Variants in RNF212 observed in about 807,000 individuals in gnomAD.
RNF212 encodes probable E3 SUMO-protein ligase RNF212.
RNF212 carries 33 observed loss-of-function variants against 34.7 expected under a neutral mutation model. The observed-to-expected ratio is 0.95, with a 90% confidence interval of 0.72 to 1.27. The LOEUF (loss-of-function observed/expected upper bound fraction) is 1.27, where lower values mean the gene tolerates loss of function less well. Among genes scored for constraint, RNF212 ranks in the 50% most tolerant of loss-of-function variants. The probability of loss-of-function intolerance (pLI) is 0.00; values close to 1 mark genes in which losing one functional copy is unlikely to be tolerated. For synonymous variants in RNF212, 140 were observed against 136.1 expected, an observed-to-expected ratio of 1.03 and a Z score of -0.20; for missense variants, 377 against 362.2, an observed-to-expected ratio of 1.04 and a Z score of -0.33.
At chr4:1,112,971 T>C (rs1577862281) in intron 1 of RNF212, among the ~76,000 whole-genome samples, 1 of 24,704 alleles carries the variant, frequency 4.0e-5, no homozygotes, top group East Asian at 1.3e-3. Flanking sequence ...GCTTCTCCAG[T>C]GTCCCCCTCT....
chr4:1,082,721 C>T lies in RNF212; in HGVS notation c.363-1102G>A, dbSNP rs74629913. Among the ~76,000 whole-genome samples the T allele has an allele frequency of 6.5e-3, 988 of 152,336 alleles. 13 individuals carry two copies. The highest frequency in any genetic ancestry group is 0.021 in the African/African-American group (877 of 41,574). ...CACACAGAAGCTCCCAGAGGACGGG[C>T]ACTGGGCGTGTTTGGCTTACTCCGA... On this transcript the variant is annotated intron_variant, in intron 5 of 9. Coordinates refer to ENST00000433731, the MANE Select transcript of RNF212 (RefSeq NM_001131034.4).
chr4:1,108,439 T>A (rs763136181), intron 1 of RNF212, 35 bp from the exon 2 acceptor site: 2 of 1,113,584 alleles, frequency 1.8e-6, no homozygotes, highest in Admixed American at 5.8e-5. Flanking sequence ...TATATTAGAC[T>A]GACTACTACT....
chr4:1,073,506 AG>A, intron 9 of RNF212, 92 bp downstream of exon 9: 1 of 980,490 alleles, frequency 1.0e-6, no homozygotes, highest in Non-Finnish European at 1.6e-6. Flanking sequence ...CCCCTTGGGT[AG>A]GTTCTGACAG....
chr4:1,099,660 AG>A (rs1205846598), intron 2 of RNF212: 1 of 434,382 alleles, frequency 2.3e-6, no homozygotes. Flanking sequence ...AATTTTTAAA[AG>A]GGGGGTGTGT....
intron 3 of RNF212, among the ~76,000 whole-genome samples, chr4:1,060,452 C>A (rs1164163031): frequency 6.6e-6 from 1 of 152,188 alleles, no homozygotes; most frequent in Non-Finnish European, 1.5e-5. Flanking sequence ...AGAGCTAGGC[C>A]AGCTCTCGAG....
chr4:1,089,894 G>A (rs1232571490), intron 4 of RNF212, among the ~76,000 whole-genome samples: 1 of 152,198 alleles, frequency 6.6e-6, no homozygotes, highest in Non-Finnish European at 1.5e-5. Context: ...GCGGAACTGT[G>A]AGTCCATTCA....
Position 1,090,796 on chromosome 4 carries a change from A to G in RNF212, c.289T>C (p.Phe97Leu), listed in dbSNP as rs1369419974. The change falls in exon 4 of 10, where the codon TTC becomes CTC. Residue 97 changes from phenylalanine (F) to leucine (L), a missense_variant. Phe to Leu is a conservative substitution (Grantham distance 22). Coordinates refer to ENST00000433731, the MANE Select transcript of RNF212 (RefSeq NM_001131034.4). ...QEKHRKRLLA[F>L]YREKISRLEE... ...ATTCCACTTACCTTTTCTCTATAGA[A>G]GGCTAACAATCTCTTCCTGTGTTTT... The G allele has an allele frequency of 6.3e-7, 1 of 1,584,314 alleles. No individual in the cohort carries two copies. The highest frequency in any genetic ancestry group is 1.1e-5 in the South Asian group (1 of 90,130).
chr4:1,069,563 C>T (rs919594549), downstream of RNF212, among the ~76,000 whole-genome samples: 2 of 152,134 alleles, frequency 1.3e-5, no homozygotes, highest in African/African-American at 4.8e-5. Context: ...AGGTGAACAT[C>T]CTCCTGGAGG....
Position 1,113,535 on chromosome 4 carries a change from C to T in RNF212, c.-71G>A. On this transcript the variant is annotated 5_prime_UTR_variant, in exon 1 of 10. Transcript: ENST00000433731. Reference sequence around the variant, plus strand: ...CACGCAAGGTTGGGACCAGCCTCCCCGCGCAGGGCCCGAAGGCGGGCAGCT... The same window carrying T: ...CACGCAAGGTTGGGACCAGCCTCCCTGCGCAGGGCCCGAAGGCGGGCAGCT... 2 of 1,293,996 alleles carry T rather than the reference C, an allele frequency of 1.5e-6. No individual in the cohort carries two copies. Among genetic ancestry groups the T allele is most frequent in the Non-Finnish European group, 2.2e-6 (2 of 926,036 alleles). 80.2% of individuals were successfully genotyped at this position (1,293,996 alleles called of 1,614,324 possible).
chr4:1,093,416 A>T, intron 3 of RNF212: 1 of 1,423,450 alleles, frequency 7.0e-7, no homozygotes, highest in Non-Finnish European at 9.2e-7. Flanking sequence ...ATTAGAGCAT[A>T]AATGTTACAA....
At chr4:1,060,245 C>T (rs527270868) in intron 3 of RNF212, among the ~76,000 whole-genome samples, 1 of 152,272 alleles carries the variant, frequency 6.6e-6, no homozygotes, top group Non-Finnish European at 1.5e-5. Context: ...CTCAAGAGAG[C>T]CAAGTGTGGG....
chr4:1,101,187 C>G (rs1577799787), intron 2 of RNF212: 1 of 235,226 alleles, frequency 4.3e-6, no homozygotes, highest in African/African-American at 2.3e-5. Context: ...ACGGGCCTAA[C>G]GACTGGCACT....
At chr4:1,070,447 G>A (rs1718389874), downstream of RNF212, among the ~76,000 whole-genome samples, 1 of 143,114 alleles carries the variant, frequency 7.0e-6, no homozygotes, top group Non-Finnish European at 1.5e-5. Flanking sequence ...CCTGGCCTGA[G>A]TTACGGGTGG....
chr4:1,112,743 C>A (rs866431361), intron 1 of RNF212, among the ~76,000 whole-genome samples: 20 of 135,058 alleles, frequency 1.5e-4, no homozygotes, highest in African/African-American at 5.3e-4. Flanking sequence ...ACGGCCCCTT[C>A]CTGCCTGCGG....
intron 4 of RNF212, chr4:1,057,086 G>T: frequency 1.5e-6 from 1 of 672,906 alleles, no homozygotes; most frequent in Non-Finnish European, 1.8e-6. Flanking sequence ...GCCGTTTTGT[G>T]GTTTTAAAGG....
At chr4:1,059,211 C>A (rs151172066) in intron 3 of RNF212, among the ~76,000 whole-genome samples, 1 of 152,204 alleles carries the variant, frequency 6.6e-6, no homozygotes, top group Admixed American at 6.5e-5. Flanking sequence ...TCCGTGCCCC[C>A]GACAGGGGTC....
At chr4:1,069,798 T>G (rs973847602), downstream of RNF212, among the ~76,000 whole-genome samples, 1 of 152,208 alleles carries the variant, frequency 6.6e-6, no homozygotes, top group Non-Finnish European at 1.5e-5. Flanking sequence ...TCGGAACTGT[T>G]GAGGACAAGA....
At chr4:1,077,659 T>C (rs896262373) in intron 8 of RNF212, among the ~76,000 whole-genome samples, 2 of 152,220 alleles carry the variant, frequency 1.3e-5, no homozygotes, top group East Asian at 3.8e-4. Flanking sequence ...TGTGAGTTCA[T>C]CCGTGAAACA....
chr4:1,090,794 G>C lies in RNF212; in HGVS notation c.291C>G (p.Phe97Leu). The C allele has an allele frequency of 1.3e-6, 2 of 1,579,910 alleles. No homozygotes were observed. Among genetic ancestry groups the C allele is most frequent in the East Asian group, 4.5e-5 (2 of 44,672 alleles). The stretch of plus-strand genomic sequence containing the variant: ...CAATTCCACTTACCTTTTCTCTATA[G>C]AAGGCTAACAATCTCTTCCTGTGTT... ...QEKHRKRLLAFYREKISRLEE... is the reference protein window; with the variant it reads ...QEKHRKRLLALYREKISRLEE... Residue 97 changes from phenylalanine to leucine, a missense_variant, in exon 4 of 10, where the codon TTC (phenylalanine) becomes TTG (leucine). Phe to Leu is a conservative substitution (Grantham distance 22). Coordinates refer to ENST00000433731, the MANE Select transcript of RNF212 (RefSeq NM_001131034.4).
Sources: gnomAD v4.1 joint callset for allele counts (sites outside exome capture counted in the v4.1 genomes callset) on GRCh38, gnomAD v4.1.1 for gene constraint, MANE v1.5 for transcripts, NCBI Gene and HGNC (gene_info 2026-07-23, HGNC 2026-07-21) for gene names.